KAZN: variants seen among roughly 807,000 people sequenced by gnomAD.
The protein encoded by KAZN is kazrin, periplakin interacting protein.
In KAZN, 40 loss-of-function variants were observed where a neutral mutation model predicts 87.4. That is an observed-to-expected ratio of 0.46 (90% CI 0.36 to 0.60). The LOEUF is 0.60. Ranked by LOEUF, KAZN falls within the 20% of genes least tolerant of loss-of-function variation. The pLI, the probability that KAZN is intolerant of heterozygous loss-of-function variation, is 0.00. For missense variants in KAZN, 898 were observed against 1,073.9 expected, an observed-to-expected ratio of 0.84 and a Z score of 2.29; for synonymous variants, 466 against 458.3, an observed-to-expected ratio of 1.02 and a Z score of -0.22.
chr1:14,876,335 G>C (rs922210204), intron 1 of KAZN, among the ~76,000 whole-genome samples: 1 of 152,206 alleles, frequency 6.6e-6, no homozygotes. Flanking sequence ...TGACATTAGC[G>C]ATAGTAGCTG....
At position 14,501,110 on chromosome 1, in the gene KAZN, A is replaced by C. The variant is rs1050536520; in HGVS notation, c.250-97873A>C. On this transcript the variant is annotated intron_variant, in intron 2 of 16. Transcript: ENST00000636203. ...AAATAAATAAATAAATAAATAAATA[A>C]ATAAATAAATAAATAAATAAAAATA... 8.7e-4 allele frequency among the ~76,000 whole-genome samples: 130 copies of C among 148,612 alleles called. 1 individual carries two copies. The highest frequency in any genetic ancestry group is 9.5e-4 in the Non-Finnish European group (64 of 67,118).
chr1:14,423,505 C>G (rs902746513), intron 2 of KAZN, among the ~76,000 whole-genome samples: 2 of 152,160 alleles, frequency 1.3e-5, no homozygotes, highest in African/African-American at 2.4e-5. Context: ...CAATGCTATC[C>G]AGAACCCAGC....
At chr1:14,038,759 C>T (rs1641670620) in intron 1 of KAZN, among the ~76,000 whole-genome samples, 1 of 152,144 alleles carries the variant, frequency 6.6e-6, no homozygotes, top group Admixed American at 6.5e-5. Context: ...GGAAGCAGTG[C>T]AAAGCGAAGC....
chr1:14,778,697 C>T (rs573599270), intron 1 of KAZN, among the ~76,000 whole-genome samples: 3 of 152,144 alleles, frequency 2.0e-5, no homozygotes, highest in South Asian at 4.1e-4. Context: ...TCTTTTGCCA[C>T]GTAACAACCC....
At chr1:13,989,914 G>A (rs930371137) in intron 1 of KAZN, among the ~76,000 whole-genome samples, 3 of 152,264 alleles carry the variant, frequency 2.0e-5, no homozygotes, top group South Asian at 2.1e-4. Context: ...TAGATGCCAT[G>A]GCCCTAGGTA....
intron 1 of KAZN, among the ~76,000 whole-genome samples, chr1:14,903,467 C>T (rs1015894798): frequency 6.6e-6 from 1 of 152,196 alleles, no homozygotes; most frequent in African/African-American, 2.4e-5. Context: ...GGTACTCTTC[C>T]TTTAGCCAGA....
At chr1:14,046,090 A>G (rs772651655) in intron 1 of KAZN, among the ~76,000 whole-genome samples, 13 of 152,200 alleles carry the variant, frequency 8.5e-5, no homozygotes, top group Non-Finnish European at 1.3e-4. Context: ...ATTACCTTTA[A>G]TCATCTAGTT....
intron 2 of KAZN, among the ~76,000 whole-genome samples, chr1:14,194,257 T>G (rs1331001177): frequency 6.6e-6 from 1 of 152,160 alleles, no homozygotes; most frequent in East Asian, 1.9e-4. Flanking sequence ...TACCAGCAGC[T>G]GTAGCTTGTG....
At chr1:14,580,475 CAAATAAATAAAT>C (rs34947660) in intron 2 of KAZN, among the ~76,000 whole-genome samples, 6,829 of 144,386 alleles carry the variant, frequency 0.047, 183 homozygotes, top group Non-Finnish European at 0.064. Context: ...AACTCTATCT[CAAATAAATAAAT>C]AAATAAATAA....
At chr1:14,353,417 G>T (rs1658725732) in intron 2 of KAZN, among the ~76,000 whole-genome samples, 1 of 151,994 alleles carries the variant, frequency 6.6e-6, no homozygotes, top group Non-Finnish European at 1.5e-5. Flanking sequence ...TAGAGATGGG[G>T]TTTCACTGTG....
intron 1 of KAZN, among the ~76,000 whole-genome samples, chr1:14,600,141 G>T (rs1448231710): frequency 6.6e-6 from 1 of 152,044 alleles, no homozygotes; most frequent in Non-Finnish European, 1.5e-5. Context: ...TTAAGAAACA[G>T]TATCACTGGT....
At chr1:14,807,726 G>A (rs567923509) in intron 1 of KAZN, among the ~76,000 whole-genome samples, 5 of 152,128 alleles carry the variant, frequency 3.3e-5, no homozygotes, top group East Asian at 1.9e-4. Context: ...CCATCATCAC[G>A]CAACCACACT....
chr1:14,468,674 G>A (rs190549724), intron 2 of KAZN, among the ~76,000 whole-genome samples: 1 of 152,314 alleles, frequency 6.6e-6, no homozygotes, highest in Admixed American at 6.5e-5. Flanking sequence ...TAGGGGTATT[G>A]GAGATTGAGT....
intron 1 of KAZN, among the ~76,000 whole-genome samples, chr1:14,133,231 G>A (rs896806739): frequency 4.6e-5 from 7 of 151,984 alleles, no homozygotes; most frequent in African/African-American, 1.5e-4. Context: ...GCTGGGCATG[G>A]TGGTGAGCAC....
Position 14,493,057 on chromosome 1 carries a change from C to A in KAZN, c.250-105926C>A, listed in dbSNP as rs146344152. On this transcript the variant is annotated intron_variant, in intron 2 of 16. Coordinates refer to the KAZN transcript ENST00000636203. ...CAGCTTGTCCCCCACCTCTCTCAGG[C>A]CTGTTGGAATGTCACTTCATCCACG... 2.5e-4 allele frequency among the ~76,000 whole-genome samples: 38 copies of A among 152,202 alleles called. No individual in the cohort carries two copies. The East Asian group carries it at 7.2e-3, about 29-fold the overall frequency.
At chr1:14,925,736 C>T (rs1659096492) in intron 1 of KAZN, among the ~76,000 whole-genome samples, 1 of 152,112 alleles carries the variant, frequency 6.6e-6, no homozygotes, top group African/African-American at 2.4e-5. Context: ...ACCACAAGGC[C>T]CCCTATTCTT....
At chr1:14,963,732 A>G (rs12033340) in intron 2 of KAZN, among the ~76,000 whole-genome samples, 60,616 of 151,990 alleles carry the variant, frequency 0.4, 14,858 homozygotes, top group African/African-American at 0.69. Context: ...CTGTCAACTC[A>G]TCATCTAGGT....
At position 14,380,968 on chromosome 1, in the gene KAZN, A is replaced by C. The variant is rs764646812; in HGVS notation, c.249+200376A>C. 3.0e-4 allele frequency among the ~76,000 whole-genome samples: 46 copies of C among 152,208 alleles called. 1 individual carries two copies. The highest frequency in any genetic ancestry group is 9.2e-4 in the Admixed American group (14 of 15,282). ...CATCAAGGATAAACAAAGGATCCTA[A>C]AAGTAGTGAGAGAAAATAAATGACA... On this transcript the variant is annotated intron_variant, in intron 2 of 16. Transcript: ENST00000636203.
At chr1:13,991,422 C>A (rs935170374) in intron 1 of KAZN, among the ~76,000 whole-genome samples, 1 of 150,832 alleles carries the variant, frequency 6.6e-6, no homozygotes, top group Non-Finnish European at 1.5e-5. Flanking sequence ...ACATGTATCC[C>A]GGAACTTAAA....
Sources: allele counts gnomAD v4.1 joint callset (sites outside exome capture counted in the v4.1 genomes callset), GRCh38; gene constraint gnomAD v4.1.1; transcripts MANE v1.5; gene names NCBI Gene and HGNC (gene_info 2026-07-23, HGNC 2026-07-21).